GPAM: variants seen among roughly 807,000 people sequenced by gnomAD.
GPAM encodes the protein glycerol-3-phosphate acyltransferase 1, mitochondrial.
Under a neutral mutation model 105.0 loss-of-function variants are expected in GPAM, and 56 were observed. The observed-to-expected ratio is 0.53, with a 90% CI of 0.43 to 0.67. The LOEUF is 0.67. GPAM is among the 30% of genes least tolerant of loss of function. The pLI, the probability that GPAM is intolerant of heterozygous loss-of-function variation, is 0.00. For synonymous variants in GPAM, 368 were observed against 354.4 expected (o/e 1.04, Z -0.43); for missense variants, 855 against 989.8 (o/e 0.86, Z 1.83).
the GPAM span, among the ~76,000 whole-genome samples, chr10:112,221,797 C>G: frequency 6.6e-6 from 1 of 152,152 alleles, no homozygotes; most frequent in Non-Finnish European, 1.5e-5. Context: ...CTCATACGTG[C>G]TATAATCATA....
intron 1 of GPAM, among the ~76,000 whole-genome samples, chr10:112,201,181 C>T (rs1039850658): frequency 6.6e-6 from 1 of 152,122 alleles, no homozygotes; most frequent in Non-Finnish European, 1.5e-5. Flanking sequence ...AGGAGAAGAA[C>T]CCAAGTAGGG....
intron 21 of GPAM, 122 bp downstream of exon 21, chr10:112,154,507 A>G: frequency 1.3e-6 from 1 of 759,046 alleles, no homozygotes; most frequent in Non-Finnish European, 2.4e-6. Context: ...TGCCTTTATC[A>G]TTAAGCCAGC....
At chr10:112,156,993 T>A (rs1051556400) in intron 19 of GPAM, 1 of 605,522 alleles carries the variant, frequency 1.7e-6, no homozygotes, top group Non-Finnish European at 2.9e-6. Flanking sequence ...TGCACCTGTG[T>A]ATTTCATAAA....
chr10:112,150,442 G>A lies in GPAM; in HGVS notation c.*3108C>T. 1 of 985,668 alleles carries A rather than the reference G, an allele frequency of 1.0e-6. No homozygotes were observed. The highest frequency in any genetic ancestry group is 1.2e-6 in the Non-Finnish European group (1 of 829,774). 61.1% of individuals were successfully genotyped at this position (985,668 alleles called of 1,614,324 possible). A position where few individuals can be genotyped will look rare whatever the true frequency, so the allele number is the denominator to read the frequency against. ...GATCACCTACATTATAATTTTCTGT[G>A]CTTATTTTCTGCAGGGGAGGAAATA... On this transcript the variant is annotated 3_prime_UTR_variant, in exon 22 of 22. Transcript: ENST00000348367.
At chr10:112,157,104 G>T in intron 19 of GPAM, 145 bp downstream of exon 19, 1 of 778,340 alleles carries the variant, frequency 1.3e-6, no homozygotes, top group Non-Finnish European at 2.3e-6. Flanking sequence ...CAAACAGTTT[G>T]AGTGTCTTTA....
rs774747439 is a variant in GPAM at position 112,153,308 on chromosome 10, C to T, written c.*242G>A. On this transcript the variant is annotated 3_prime_UTR_variant, in exon 22 of 22. Coordinates refer to ENST00000348367, the MANE Select transcript of GPAM (RefSeq NM_001244949.2). ...TATTGAGATTTCATCTTGTAGTCTACGGATTATGAGTTGCGAATAGAGGCT... is the reference window on the plus strand; with the variant it reads ...TATTGAGATTTCATCTTGTAGTCTATGGATTATGAGTTGCGAATAGAGGCT... 7.6e-5 allele frequency: 103 copies of T among 1,362,302 alleles called. No homozygotes were observed. The highest frequency in any genetic ancestry group is 9.1e-5 in the Non-Finnish European group (96 of 1,055,310). 84.4% of individuals were successfully genotyped at this position (1,362,302 alleles called of 1,614,324 possible). A position where few individuals can be genotyped will look rare whatever the true frequency, so the allele number is the denominator to read the frequency against.
Position 112,168,726 on chromosome 10 carries a change from C to T in GPAM, c.894+127G>A, listed in dbSNP as rs1376619156. On this transcript the variant is annotated intron_variant, in intron 10 of 21. Transcript: ENST00000348367. Reference sequence around the variant, plus strand: ...ACAACAACAACAACAAATTACCAAACTCAAGCAATAATCACTCCAGTTACT... The same window carrying T: ...ACAACAACAACAACAAATTACCAAATTCAAGCAATAATCACTCCAGTTACT... 10 of 772,696 alleles carry T rather than the reference C, an allele frequency of 1.3e-5. No individual in the cohort carries two copies. In the African/African-American group the frequency reaches 1.4e-4, roughly 11 times the overall value. The allele number at this position is 772,696 out of a possible 1,614,324, so 47.9% of individuals were successfully genotyped here. A position where few individuals can be genotyped will look rare whatever the true frequency, so the allele number is the denominator to read the frequency against.
chr10:112,195,689 C>T (rs1847715291), intron 1 of GPAM, among the ~76,000 whole-genome samples: 1 of 152,210 alleles, frequency 6.6e-6, no homozygotes, highest in African/African-American at 2.4e-5. Context: ...TGACTTTTCC[C>T]CTACATTCCT....
intron 9 of GPAM, 98 bp from the exon 10 acceptor site, chr10:112,169,050 C>T: frequency 2.5e-6 from 2 of 799,962 alleles, no homozygotes; most frequent in Non-Finnish European, 4.3e-6. Context: ...TGGATACAAG[C>T]CATATGTGCC....
At position 112,166,451 on chromosome 10, in the gene GPAM, T is replaced by C; in HGVS notation, c.1172A>G (p.Lys391Arg). Residue 391 changes from lysine to arginine, a missense_variant, in exon 12 of 22, where the codon AAA (lysine) becomes AGA (arginine). Transcript: ENST00000348367. ...ATCCACTCGGACACAACCATAGTTT[T>C]TTCGTAACATTCTAATAACACCTCT... ...VARGVIRMLR[K>R]NYGCVRVDFA... 1 of 1,612,620 alleles carries C rather than the reference T, an allele frequency of 6.2e-7. No individual in the cohort carries two copies. The highest frequency in any genetic ancestry group is 8.5e-7 in the Non-Finnish European group (1 of 1,178,574).
chr10:112,151,213 G>A lies in GPAM; in HGVS notation c.*2337C>T. Reference sequence around the variant, plus strand: ...GTAAACTGTAATAAATTATTTACAAGCACCTAGTTTGTTTAACCTTATGTG... The same window carrying A: ...GTAAACTGTAATAAATTATTTACAAACACCTAGTTTGTTTAACCTTATGTG... On this transcript the variant is annotated 3_prime_UTR_variant, in exon 22 of 22. Transcript: ENST00000348367. The A allele has an allele frequency of 1.0e-6, 1 of 984,142 alleles. No individual in the cohort carries two copies. Among genetic ancestry groups the A allele is most frequent in the Non-Finnish European group, 1.2e-6 (1 of 828,580 alleles). 61.0% of individuals were successfully genotyped at this position (984,142 alleles called of 1,614,324 possible). A position where few individuals can be genotyped will look rare whatever the true frequency, so the allele number is the denominator to read the frequency against.
chr10:112,223,802 AAAC>A, the GPAM span, among the ~76,000 whole-genome samples: 1 of 152,234 alleles, frequency 6.6e-6, no homozygotes, highest in South Asian at 2.1e-4. Flanking sequence ...CTGCCAATAT[AAAC>A]AAAGACTACA....
intron 18 of GPAM, among the ~76,000 whole-genome samples, chr10:112,158,033 C>T (rs1463813271): frequency 2.0e-5 from 3 of 152,184 alleles, no homozygotes; most frequent in Non-Finnish European, 4.4e-5. Context: ...TCCACCACTC[C>T]GATTCTTGTG....
In GPAM at chr10:112,151,934, C is replaced by T; in HGVS notation, c.*1616G>A. On this transcript the variant is annotated 3_prime_UTR_variant, in exon 22 of 22. Coordinates refer to ENST00000348367, the MANE Select transcript of GPAM (RefSeq NM_001244949.2). ...ATGACTTCATGGTATACATCAATTC[C>T]TATAAAGAAAAAATATATTTTAAAT... 4 of 978,530 alleles carry T rather than the reference C, an allele frequency of 4.1e-6. No individual in the cohort carries two copies. Among genetic ancestry groups the T allele is most frequent in the Non-Finnish European group, 4.9e-6 (4 of 823,744 alleles). 60.6% of individuals were successfully genotyped at this position (978,530 alleles called of 1,614,324 possible).
At chr10:112,190,370 T>C (rs1847642036) in intron 1 of GPAM, among the ~76,000 whole-genome samples, 1 of 151,946 alleles carries the variant, frequency 6.6e-6, no homozygotes, top group South Asian at 2.1e-4. Flanking sequence ...CTGGGCTTGG[T>C]GGCGTGTGCC....
At chr10:112,176,530 A>G (rs1286260447) in intron 5 of GPAM, among the ~76,000 whole-genome samples, 1 of 152,250 alleles carries the variant, frequency 6.6e-6, no homozygotes. Context: ...AACTTGAAAG[A>G]GAACTGTTTA....
At chr10:112,202,038 C>G (rs766576427) in intron 1 of GPAM, among the ~76,000 whole-genome samples, 1 of 152,182 alleles carries the variant, frequency 6.6e-6, no homozygotes, top group African/African-American at 2.4e-5. Flanking sequence ...ATGCAACTTT[C>G]CCAATGTCAC....
In GPAM at chr10:112,194,215, T is replaced by G. The variant is rs149627762; in HGVS notation, n.211-11324A>C. 2.1e-3 allele frequency among the ~76,000 whole-genome samples: 315 copies of G among 152,266 alleles called. 2 individuals carry two copies. Among genetic ancestry groups the G allele is most frequent in the African/African-American group, 6.7e-3 (280 of 41,556 alleles). On this transcript the variant is annotated intron_variant and non_coding_transcript_variant, in intron 1 of 3. Transcript: ENST00000480130. ...GTACACTGGCTCTTAATCCGCTTTG[T>G]TGGGTAAAGAAGTGTAATCCTACCA...
Position 112,162,278 on chromosome 10 carries a change from T to C in GPAM, c.1424-541A>G, listed in dbSNP as rs898988414. Among the ~76,000 whole-genome samples the C allele has an allele frequency of 2.6e-5, 4 of 152,336 alleles. No homozygotes were observed. In the East Asian group the frequency reaches 5.8e-4, roughly 22 times the overall value. On this transcript the variant is annotated intron_variant, in intron 14 of 21. Coordinates refer to ENST00000348367, the MANE Select transcript of GPAM (RefSeq NM_001244949.2). The stretch of plus-strand genomic sequence containing the variant: ...ACTTGGGGCAAATTACTTAAATTCC[T>C]GGCCTCACCTTCCTTGCTGATAAAA...
Sources: gnomAD v4.1 joint callset for allele counts (sites outside exome capture counted in the v4.1 genomes callset) on GRCh38, gnomAD v4.1.1 for gene constraint, MANE v1.5 for transcripts, NCBI Gene and HGNC (gene_info 2026-07-23, HGNC 2026-07-21) for gene names.